Variants in TEK observed in about 807,000 individuals in gnomAD.
TEK encodes angiopoietin-1 receptor.
TEK carries 43 observed loss-of-function variants against 131.8 expected under a neutral mutation model. The observed-to-expected ratio is 0.33, with a 90% CI of 0.26 to 0.42. TEK has a LOEUF of 0.42. Ranked by LOEUF, TEK falls within the 10% of genes least tolerant of loss-of-function variation. TEK has a pLI of 1.00. For missense variants in TEK, 1,162 were observed against 1,384.4 expected (o/e 0.84, Z 2.55); for synonymous variants, 580 against 491.6 (o/e 1.18, Z -2.38).
At chr9:27,181,489 G>A (rs1189783786) in intron 7 of TEK, among the ~76,000 whole-genome samples, 2 of 152,204 alleles carry the variant, frequency 1.3e-5, no homozygotes, top group Non-Finnish European at 2.9e-5. Context: ...CTGTAAACAA[G>A]ATTGTATAAT....
At chr9:27,209,581 C>G (rs1416451058) in intron 16 of TEK, among the ~76,000 whole-genome samples, 1 of 152,140 alleles carries the variant, frequency 6.6e-6, no homozygotes, top group Non-Finnish European at 1.5e-5. Context: ...AATTGCCTAC[C>G]TTTACATTTT....
intron 21 of TEK, among the ~76,000 whole-genome samples, chr9:27,221,490 T>G (rs527864503): frequency 6.6e-6 from 1 of 151,898 alleles, no homozygotes; most frequent in South Asian, 2.1e-4. Flanking sequence ...GGGAGACATC[T>G]CCCAGTAGGG....
At chr9:27,172,987 G>C (rs1824019470) in intron 5 of TEK, among the ~76,000 whole-genome samples, 1 of 151,886 alleles carries the variant, frequency 6.6e-6, no homozygotes, top group Admixed American at 6.6e-5. Context: ...CTGCCCCCTA[G>C]GTTTGTGCAC....
At chr9:27,206,287 C>T (rs766592993) in intron 14 of TEK, among the ~76,000 whole-genome samples, 11 of 152,144 alleles carry the variant, frequency 7.2e-5, no homozygotes, top group Middle Eastern at 3.2e-3. Context: ...GTACAACTAA[C>T]GCAAGGATGG....
intron 21 of TEK, among the ~76,000 whole-genome samples, chr9:27,226,078 A>G (rs1826315192): frequency 6.6e-6 from 1 of 152,216 alleles, no homozygotes; most frequent in Admixed American, 6.5e-5. Context: ...AAGTCAGGAA[A>G]TGACAGATGC....
intron 1 of TEK, among the ~76,000 whole-genome samples, chr9:27,152,294 C>T (rs4601425): frequency 0.32 from 49,244 of 151,706 alleles, 8,488 homozygotes; most frequent in Non-Finnish European, 0.35. Context: ...AATAAGCCTG[C>T]GATGCAATAA....
intron 1 of TEK, among the ~76,000 whole-genome samples, chr9:27,154,214 C>T (rs1186555324): frequency 6.6e-6 from 1 of 151,914 alleles, no homozygotes; most frequent in Admixed American, 6.6e-5. Context: ...ATGTGCAGAA[C>T]GTGCAGGTCT....
intron 6 of TEK, among the ~76,000 whole-genome samples, chr9:27,178,172 C>T (rs1241377856): frequency 6.6e-6 from 1 of 151,848 alleles, no homozygotes; most frequent in African/African-American, 2.4e-5. Flanking sequence ...TTTTATTCTT[C>T]TGCTTGTGGT....
At chr9:27,132,904 G>A (rs1033580791) in intron 1 of TEK, among the ~76,000 whole-genome samples, 2 of 152,086 alleles carry the variant, frequency 1.3e-5, no homozygotes, top group Non-Finnish European at 2.9e-5. Flanking sequence ...GAGAGAGACA[G>A]GTTTGGCTGT....
In TEK at chr9:27,139,212, C is replaced by CA. The variant is rs746301649; in HGVS notation, c.53-18606dup. Among the ~76,000 whole-genome samples, 219 of 57,344 alleles carry CA rather than the reference C, an allele frequency of 3.8e-3. 6 individuals are homozygous for CA. Among genetic ancestry groups the CA allele is most frequent in the South Asian group, 0.029 (44 of 1,530 alleles). 37.6% of individuals were successfully genotyped at this position (57,344 alleles called of 152,430 possible). On this transcript the variant is annotated intron_variant, in intron 1 of 22. Coordinates refer to ENST00000380036, the MANE Select transcript of TEK (RefSeq NM_000459.5). ...TGGGCGACAGAGCGAGACTCTGTCTCAAAAAAAAAAAAACAGTAGGATTCT... is the reference window on the plus strand; with the variant it reads ...TGGGCGACAGAGCGAGACTCTGTCTCAAAAAAAAAAAAAACAGTAGGATTCT...
chr9:27,219,250 T>C (rs2131244074), intron 20 of TEK, among the ~76,000 whole-genome samples: 1 of 152,214 alleles, frequency 6.6e-6, no homozygotes, highest in East Asian at 1.9e-4. Flanking sequence ...ATAACATTTA[T>C]TCTTCATGCT....
rs1353641263 is a variant in TEK, at chr9:27,192,440, A to C, written c.1490-49A>C. ...CAATAACAACAACCCCGGCTTAAGG[A>C]ATGTAAGAGAATGCCAACTTAAGTT... On this transcript the variant is annotated intron_variant, in intron 10 of 22. Transcript: ENST00000380036. 3 of 1,611,344 alleles carry C rather than the reference A, an allele frequency of 1.9e-6. No individual in the cohort carries two copies. The East Asian group carries it at 6.7e-5, about 36-fold the overall frequency.
At chr9:27,117,790 C>T (rs535157184) in intron 1 of TEK, among the ~76,000 whole-genome samples, 1 of 152,306 alleles carries the variant, frequency 6.6e-6, no homozygotes, top group East Asian at 1.9e-4. Flanking sequence ...GCCCCTTGCC[C>T]AGGGCTTGAC....
chr9:27,201,714 G>A (rs973872028), intron 12 of TEK, among the ~76,000 whole-genome samples: 1 of 152,138 alleles, frequency 6.6e-6, no homozygotes, highest in Non-Finnish European at 1.5e-5. Flanking sequence ...AAATAGAAAG[G>A]ATGTACCTTG....
Position 27,159,053 on chromosome 9 carries a change from A to G in TEK, c.364+911A>G, listed in dbSNP as rs139211978. On this transcript the variant is annotated intron_variant, in intron 2 of 22. Transcript: ENST00000380036. The stretch of plus-strand genomic sequence containing the variant: ...ATGAGCATTTATAGCTTGTGAGTCT[A>G]AGTCAGCTGTGTTGATTAGATGGAT... 3.9e-3 allele frequency among the ~76,000 whole-genome samples: 587 copies of G among 152,302 alleles called. 6 individuals are homozygous for G. Among genetic ancestry groups the G allele is most frequent in the African/African-American group, 0.014 (575 of 41,554 alleles).
intron 12 of TEK, among the ~76,000 whole-genome samples, chr9:27,201,299 A>G (rs951089599): frequency 3.3e-5 from 5 of 152,164 alleles, no homozygotes; most frequent in African/African-American, 1.2e-4. Flanking sequence ...TATATTCATT[A>G]TTTTTCTAAC....
At position 27,206,581 on chromosome 9, in the gene TEK, G is replaced by A; in HGVS notation, c.2365-1G>A. 6.2e-7 allele frequency: 1 copy of A among 1,613,436 alleles called. No individual in the cohort carries two copies. ...AAATGATGAAATAATTATTTTTCCA[G>A]AGGGAAGAACCAGCTGTGCAGTTCA... On this transcript the variant is annotated splice_acceptor_variant, in intron 14 of 22. Coordinates refer to ENST00000380036, the MANE Select transcript of TEK (RefSeq NM_000459.5). LOFTEE classifies it high-confidence loss of function.
intron 1 of TEK, among the ~76,000 whole-genome samples, chr9:27,143,328 T>C (rs1441801299): frequency 6.6e-6 from 1 of 152,146 alleles, no homozygotes; most frequent in Non-Finnish European, 1.5e-5. Flanking sequence ...CTTCCACCCT[T>C]GTATGTCCTG....
chr9:27,215,696 C>T (rs571369218), intron 18 of TEK, among the ~76,000 whole-genome samples: 78 of 151,966 alleles, frequency 5.1e-4, no homozygotes, highest in Admixed American at 1.6e-3. Context: ...TTTGTTAGTA[C>T]AATGTTTCAT....
Sources: gnomAD v4.1 joint callset for allele counts (sites outside exome capture counted in the v4.1 genomes callset) on GRCh38, gnomAD v4.1.1 for gene constraint, MANE v1.5 for transcripts, NCBI Gene and HGNC (gene_info 2026-07-23, HGNC 2026-07-21) for gene names.